The following CDH13 variants were observed in gnomAD, a reference collection of about 807,000 sequenced individuals.
The protein encoded by CDH13 is cadherin-13.
A neutral mutation model predicts 63.8 loss-of-function variants in CDH13; 24 were observed. That is an observed-to-expected ratio of 0.38 (90% confidence interval 0.27 to 0.53). CDH13 has a LOEUF of 0.53. Among genes scored for constraint, CDH13 ranks in the 20% least tolerant of loss-of-function variants. CDH13 has a pLI of 0.85. For missense variants in CDH13, 1,049 were observed against 903.1 expected, an observed-to-expected ratio of 1.16 and a Z score of -2.07; for synonymous variants, 503 against 355.3, an observed-to-expected ratio of 1.42 and a Z score of -4.67.
chr16:83,790,983 G>C (rs1485116933), intron 13 of CDH13, among the ~76,000 whole-genome samples: 1 of 152,150 alleles, frequency 6.6e-6, no homozygotes, highest in Non-Finnish European at 1.5e-5. Flanking sequence ...TCTATATGGA[G>C]GGTAAGATGT....
chr16:83,724,659 A>C (rs1431181681), intron 10 of CDH13, among the ~76,000 whole-genome samples: 3 of 152,150 alleles, frequency 2.0e-5, no homozygotes, highest in Non-Finnish European at 4.4e-5. Context: ...CTTGTCTCCT[A>C]CCATCTCACT....
At position 83,149,483 on chromosome 16, in the gene CDH13, T is replaced by C. The variant is rs372854897; in HGVS notation, c.483+23982T>C. Among the ~76,000 whole-genome samples the C allele has an allele frequency of 4.6e-5, 7 of 152,220 alleles. No homozygotes were observed. The East Asian group carries it at 1.2e-3, about 25-fold the overall frequency. ...TATGGGCAGGAACTGAGAGGGGATA[T>C]GGTACAATTGAATTCAATTCCACAA... On this transcript the variant is annotated intron_variant, in intron 4 of 13. Coordinates refer to ENST00000567109, the MANE Select transcript of CDH13 (RefSeq NM_001257.5).
chr16:83,441,974 A>G (rs1244156417), intron 6 of CDH13, among the ~76,000 whole-genome samples: 1 of 152,134 alleles, frequency 6.6e-6, no homozygotes, highest in Non-Finnish European at 1.5e-5. Context: ...GCTGGGATTG[A>G]GAGGGTTTGA....
chr16:83,666,572 A>G (rs1267405179), intron 8 of CDH13, among the ~76,000 whole-genome samples: 2 of 152,208 alleles, frequency 1.3e-5, no homozygotes, highest in African/African-American at 2.4e-5. Context: ...AGGTGACTCT[A>G]CCACCTCTGG....
chr16:83,501,649 T>C (rs193230233), intron 7 of CDH13, among the ~76,000 whole-genome samples: 1 of 152,268 alleles, frequency 6.6e-6, no homozygotes, highest in East Asian at 1.9e-4. Context: ...ACTAGGAGGG[T>C]TATGGAGTTC....
At chr16:83,772,093 T>C (rs2150999311) in intron 11 of CDH13, among the ~76,000 whole-genome samples, 1 of 152,310 alleles carries the variant, frequency 6.6e-6, no homozygotes, top group Non-Finnish European at 1.5e-5. Flanking sequence ...TGTATACTTA[T>C]TTGAGAACCT....
chr16:82,864,504 G>A (rs1393444777), intron 2 of CDH13, among the ~76,000 whole-genome samples: 1 of 152,110 alleles, frequency 6.6e-6, no homozygotes, highest in African/African-American at 2.4e-5. Context: ...GCAGGAAGGA[G>A]AAGTGCTGAG....
At chr16:83,115,302 G>A (rs909276102) in intron 3 of CDH13, among the ~76,000 whole-genome samples, 4 of 152,188 alleles carry the variant, frequency 2.6e-5, no homozygotes, top group African/African-American at 9.7e-5. Context: ...AATGGATTAA[G>A]TGAGATAATC....
intron 4 of CDH13, among the ~76,000 whole-genome samples, chr16:83,172,686 C>T (rs1050107594): frequency 2.0e-5 from 3 of 152,042 alleles, no homozygotes. Flanking sequence ...GCCTCCATCA[C>T]TGTGAGACAA....
rs940306339 is a variant in CDH13, at chr16:83,433,869, A to G, written c.782-52608A>G. Reference sequence around the variant, plus strand: ...AGTTGGTAATGATTTTTTTTTCCTCAGTGCAAAGCACACTCTTAATCTAAA... The same window carrying G: ...AGTTGGTAATGATTTTTTTTTCCTCGGTGCAAAGCACACTCTTAATCTAAA... On this transcript the variant is annotated intron_variant, in intron 6 of 13. Transcript: ENST00000567109. Among the ~76,000 whole-genome samples, 3 of 152,080 alleles carry G rather than the reference A, an allele frequency of 2.0e-5. No homozygotes were observed. In the East Asian group the frequency reaches 5.8e-4, roughly 29 times the overall value.
At chr16:83,215,993 C>A (rs1051896211) in intron 4 of CDH13, among the ~76,000 whole-genome samples, 5 of 150,846 alleles carry the variant, frequency 3.3e-5, no homozygotes, top group Admixed American at 6.6e-5. Flanking sequence ...GACCACCCCC[C>A]ATACTTTGAC....
intron 4 of CDH13, among the ~76,000 whole-genome samples, chr16:83,147,709 C>G (rs2036810341): frequency 6.6e-6 from 1 of 152,122 alleles, no homozygotes; most frequent in South Asian, 2.1e-4. Context: ...CACTTGCGTT[C>G]CACCCCTAGG....
At chr16:82,696,671 C>A (rs2030331644) in intron 1 of CDH13, among the ~76,000 whole-genome samples, 1 of 152,194 alleles carries the variant, frequency 6.6e-6, no homozygotes, top group Non-Finnish European at 1.5e-5. Context: ...TTCTTCAACT[C>A]AGTTAGGTCA....
At chr16:83,430,288 A>C (rs2151481947) in intron 6 of CDH13, among the ~76,000 whole-genome samples, 1 of 152,320 alleles carries the variant, frequency 6.6e-6, no homozygotes, top group South Asian at 2.1e-4. Context: ...TGTTGCATGA[A>C]GATTAACTAT....
At chr16:83,094,364 C>G (rs1176828113) in intron 3 of CDH13, among the ~76,000 whole-genome samples, 1 of 152,124 alleles carries the variant, frequency 6.6e-6, no homozygotes. Context: ...ATTTTCACGC[C>G]TGAAAGATGC....
chr16:83,030,468 C>A (rs1180471712), intron 2 of CDH13, among the ~76,000 whole-genome samples: 3 of 151,640 alleles, frequency 2.0e-5, no homozygotes, highest in Non-Finnish European at 2.9e-5. Context: ...ATGGTGAAAC[C>A]CCCATCTCTA....
At position 83,128,946 on chromosome 16, in the gene CDH13, T is replaced by C. The variant is rs11648346; in HGVS notation, c.483+3445T>C. On this transcript the variant is annotated intron_variant, in intron 4 of 13. Coordinates refer to ENST00000567109, the MANE Select transcript of CDH13 (RefSeq NM_001257.5). The stretch of plus-strand genomic sequence containing the variant: ...CGCAAGAGCCTTCAAAACCTCTAGA[T>C]GTTTTTTGTAGAATTACTGCACTGC... Among the ~76,000 whole-genome samples, 62 of 152,210 alleles carry C rather than the reference T, an allele frequency of 4.1e-4. 1 individual carries two copies. The highest frequency in any genetic ancestry group is 1.4e-3 in the African/African-American group (58 of 41,522).
intron 4 of CDH13, among the ~76,000 whole-genome samples, chr16:83,169,561 T>TG (rs986364109): frequency 8.9e-6 from 1 of 112,042 alleles, no homozygotes; most frequent in African/African-American, 7.1e-5. Flanking sequence ...AGTGGTAAGG[T>TG]TTTTTTTTTG....
intron 7 of CDH13, among the ~76,000 whole-genome samples, chr16:83,488,184 T>C (rs2073936162): frequency 2.0e-5 from 3 of 152,182 alleles, no homozygotes; most frequent in Admixed American, 1.3e-4. Context: ...TCATATGTGG[T>C]TGGTGGCTAT....
Sources: gnomAD v4.1 joint callset for allele counts (sites outside exome capture counted in the v4.1 genomes callset) on GRCh38, gnomAD v4.1.1 for gene constraint, MANE v1.5 for transcripts, NCBI Gene and HGNC (gene_info 2026-07-23, HGNC 2026-07-21) for gene names.